Variants in CSMD2 observed in about 807,000 individuals in gnomAD.
CSMD2 encodes the protein CUB and sushi domain-containing protein 2.
CSMD2 carries 130 observed loss-of-function variants against 398.5 expected under a neutral mutation model. The observed-to-expected ratio is 0.33, with a 90% CI of 0.28 to 0.38. CSMD2 has a LOEUF of 0.38. Ranked by LOEUF, CSMD2 falls within the 10% of genes least tolerant of loss-of-function variation. CSMD2 has a pLI of 1.00. For synonymous variants in CSMD2, 1,828 were observed against 1,908.5 expected, an observed-to-expected ratio of 0.96 and a Z score of 1.10; for missense variants, 3,829 against 4,764.9, an observed-to-expected ratio of 0.80 and a Z score of 5.78.
chr1:33,570,871 G>A (rs894485999), intron 51 of CSMD2, among the ~76,000 whole-genome samples: 1 of 152,158 alleles, frequency 6.6e-6, no homozygotes, highest in Non-Finnish European at 1.5e-5. Flanking sequence ...GGTGAGCTAA[G>A]GCTTTCATGG....
rs1010697874 is a variant in CSMD2, at chr1:34,163,854, C to A, written c.187+1057G>T. Among the ~76,000 whole-genome samples the A allele has an allele frequency of 1.3e-5, 2 of 152,136 alleles. No individual in the cohort carries two copies. The highest frequency in any genetic ancestry group is 1.3e-4 in the Admixed American group (2 of 15,288). On this transcript the variant is annotated intron_variant, in intron 1 of 70. Coordinates refer to ENST00000373381, the MANE Select transcript of CSMD2 (RefSeq NM_001281956.2). This position sits in a 1 kb window ranked among gnomAD's most constrained non-coding sequence, Gnocchi z 5.4. ...GGAACTTTCTAGCTTGTAGCTAGAA[C>A]TGAGCTTCGGAGGGGTGCTGTGGGT... is the stretch of plus-strand genomic sequence containing the variant.
intron 6 of CSMD2, among the ~76,000 whole-genome samples, chr1:33,827,852 G>A (rs1345567866): frequency 6.6e-6 from 1 of 152,150 alleles, no homozygotes; most frequent in Non-Finnish European, 1.5e-5. Context: ...CTTTTCTTGT[G>A]ATCTGCACCC....
At chr1:34,025,566 T>C (rs149879714) in intron 3 of CSMD2, among the ~76,000 whole-genome samples, 37 of 152,258 alleles carry the variant, frequency 2.4e-4, no homozygotes, top group African/African-American at 8.9e-4. Flanking sequence ...AGAGTTGTAT[T>C]TGTGTGAGTA....
intron 3 of CSMD2, among the ~76,000 whole-genome samples, chr1:33,986,602 T>A (rs1255441399): frequency 6.6e-6 from 1 of 152,204 alleles, no homozygotes; most frequent in Admixed American, 6.5e-5. Context: ...GACTGTTCCC[T>A]AATCCCAGTT....
intron 13 of CSMD2, among the ~76,000 whole-genome samples, chr1:33,743,875 G>A (rs1449913184): frequency 6.6e-6 from 1 of 152,152 alleles, no homozygotes; most frequent in Admixed American, 6.5e-5. Context: ...TGGTCAGCAC[G>A]CCCACCTAGG....
rs981787324 is a variant in CSMD2 at position 33,633,498 on chromosome 1, G to A, written c.5124C>T (p.Leu1708=). 3 of 1,553,758 alleles carry A rather than the reference G, an allele frequency of 1.9e-6. No individual in the cohort carries two copies. Among genetic ancestry groups the A allele is most frequent in the Non-Finnish European group, 2.6e-6 (3 of 1,148,072 alleles). Residue 1708 remains leucine (L), a synonymous_variant, in exon 32 of 71, where the codon CTC becomes CTT. Coordinates refer to ENST00000373381, the MANE Select transcript of CSMD2 (RefSeq NM_001281956.2). The surrounding 1 kb of genome is among the most constrained non-coding windows in gnomAD (Gnocchi z 5.0). ...FGQFAFFHTA[L]NDVVEVHDGH... is the part of the protein sequence containing the mutation. ...CGTCGTGAACCTCCACCACGTCGTT[G>A]AGGGCCGTGTGAAAGAAGGCGAACT... is the stretch of plus-strand genomic sequence containing the variant.
chr1:33,792,885 G>A (rs965858584), intron 10 of CSMD2, among the ~76,000 whole-genome samples: 6 of 152,220 alleles, frequency 3.9e-5, no homozygotes, highest in African/African-American at 1.4e-4. Flanking sequence ...CAGGCCACAT[G>A]TGGAATCTCA....
Position 34,164,960 on chromosome 1 carries a change from A to AGGC in CSMD2, c.135_137dup (p.Pro46dup). The stretch of plus-strand genomic sequence containing the variant: ...ACCCACAGCCCAGCAACAGCAGCAG[A>AGGC]GGCGGCGGCGTTGGCGGCGGCGGGC... On this transcript the variant is annotated inframe_insertion, in exon 1 of 71. Coordinates refer to ENST00000373381, the MANE Select transcript of CSMD2 (RefSeq NM_001281956.2). This position sits in a 1 kb window ranked among gnomAD's most constrained non-coding sequence, Gnocchi z 6.2. 1 of 1,219,940 alleles carries AGGC rather than the reference A, an allele frequency of 8.2e-7. No homozygotes were observed. The highest frequency in any genetic ancestry group is 1.0e-6 in the Non-Finnish European group (1 of 980,570). The allele number at this position is 1,219,940 out of a possible 1,614,324, so 75.6% of individuals were successfully genotyped here.
intron 60 of CSMD2, among the ~76,000 whole-genome samples, chr1:33,538,303 CCCCAAAGGGTACACATTTA>C (rs1281800124): frequency 6.6e-6 from 1 of 152,118 alleles, no homozygotes; most frequent in Non-Finnish European, 1.5e-5. Context: ...AAATGTCTTT[CCCCAAAGGGTACACATTTA>C]CACTGCGGTG....
intron 3 of CSMD2, among the ~76,000 whole-genome samples, chr1:33,959,504 A>G (rs1398893109): frequency 6.6e-6 from 1 of 152,104 alleles, no homozygotes; most frequent in African/African-American, 2.4e-5. Context: ...TAGGTGACCA[A>G]TTTAGTCCCA....
intron 47 of CSMD2, among the ~76,000 whole-genome samples, chr1:33,583,171 G>A (rs975630550): frequency 6.6e-6 from 1 of 152,222 alleles, no homozygotes; most frequent in Non-Finnish European, 1.5e-5. Flanking sequence ...GCTCCAGAGG[G>A]TAAGAGGTAA....
intron 19 of CSMD2, among the ~76,000 whole-genome samples, chr1:33,717,968 C>T (rs1175113839): frequency 1.3e-5 from 2 of 152,162 alleles, no homozygotes; most frequent in East Asian, 3.9e-4. Context: ...CTTTTACTTG[C>T]ACTATAGTCA....
rs1639097540 is a variant in CSMD2 at position 33,586,634 on chromosome 1, A to T, written c.6938-17T>A. 1.3e-6 allele frequency: 2 copies of T among 1,515,480 alleles called. No homozygotes were observed. The highest frequency in any genetic ancestry group is 1.8e-6 in the Non-Finnish European group (2 of 1,090,914). 93.9% of individuals were successfully genotyped at this position (1,515,480 alleles called of 1,614,324 possible). A position where few individuals can be genotyped will look rare whatever the true frequency, so the allele number is the denominator to read the frequency against. On this transcript the variant is annotated splice_polypyrimidine_tract_variant and intron_variant, in intron 45 of 70. Coordinates refer to ENST00000373381, the MANE Select transcript of CSMD2 (RefSeq NM_001281956.2). ...CGATGTCACCTGTCAAAGAAAGACCAACATGTAGACCCTCTTAAGAAGTCC... is the reference window on the plus strand; with the variant it reads ...CGATGTCACCTGTCAAAGAAAGACCTACATGTAGACCCTCTTAAGAAGTCC...
intron 3 of CSMD2, among the ~76,000 whole-genome samples, chr1:33,983,463 T>C (rs1032605509): frequency 1.3e-5 from 2 of 152,182 alleles, no homozygotes; most frequent in African/African-American, 2.4e-5. Flanking sequence ...ATGTAGAAAG[T>C]AATTTCAAAG....
Position 33,635,188 on chromosome 1 carries a change from T to C in CSMD2, c.5086+26A>G, listed in dbSNP as rs765445232. On this transcript the variant is annotated intron_variant, in intron 31 of 70. Transcript: ENST00000373381. The surrounding 1 kb of genome is among the most constrained non-coding windows in gnomAD (Gnocchi z 5.0). ...TGAGGGTGAGGAGTCAGAAAACATA[T>C]GAACAACAACAACCAAAACCCATAC... 6.9e-7 allele frequency: 1 copy of C among 1,454,768 alleles called. No homozygotes were observed. The highest frequency in any genetic ancestry group is 9.6e-7 in the Non-Finnish European group (1 of 1,038,906). The allele number at this position is 1,454,768 out of a possible 1,614,324, so 90.1% of individuals were successfully genotyped here.
intron 27 of CSMD2, 49 bp from the exon 28 acceptor site, chr1:33,652,510 C>T: frequency 1.2e-6 from 2 of 1,602,090 alleles, no homozygotes; most frequent in Non-Finnish European, 1.7e-6. Context: ...ACCCTGGGCT[C>T]ATTTTCATGG....
chr1:33,936,516 G>A (rs1316302537), intron 3 of CSMD2, among the ~76,000 whole-genome samples: 3 of 152,206 alleles, frequency 2.0e-5, no homozygotes, highest in South Asian at 4.1e-4. Flanking sequence ...ACAAGAACCC[G>A]GGTTCTCATC....
chr1:33,748,305 G>A (rs1165217681), intron 13 of CSMD2, among the ~76,000 whole-genome samples: 1 of 152,190 alleles, frequency 6.6e-6, no homozygotes, highest in Admixed American at 6.5e-5. Flanking sequence ...TTTTTAAAAA[G>A]TTGTAATTGG....
At chr1:33,987,830 T>C (rs1646413129) in intron 3 of CSMD2, among the ~76,000 whole-genome samples, 1 of 152,170 alleles carries the variant, frequency 6.6e-6, no homozygotes, top group Non-Finnish European at 1.5e-5. Context: ...TGCCCCTGTG[T>C]TCAAGTTAGA....
Sources: gnomAD v4.1 joint callset for allele counts (sites outside exome capture counted in the v4.1 genomes callset) on GRCh38, gnomAD v4.1.1 for gene constraint, Gnocchi (gnomAD v3.1) non-coding constraint, MANE v1.5 for transcripts, NCBI Gene and HGNC (gene_info 2026-07-23, HGNC 2026-07-21) for gene names.